NOVA1: variants seen among roughly 807,000 people sequenced by gnomAD.
NOVA1 encodes NOVA alternative splicing regulator 1.
In NOVA1, 7 loss-of-function variants were observed where a neutral mutation model predicts 38.0. The observed-to-expected ratio is 0.18, with a 90% CI of 0.10 to 0.35. The LOEUF (loss-of-function observed/expected upper bound fraction) is 0.35, where lower values mean the gene tolerates loss of function less well. NOVA1 is among the 10% of genes least tolerant of loss of function. NOVA1 has a pLI of 1.00. For synonymous variants in NOVA1, 270 were observed against 232.5 expected, an observed-to-expected ratio of 1.16 and a Z score of -1.47; for missense variants, 460 against 616.0, an observed-to-expected ratio of 0.75 and a Z score of 2.68.
At chr14:26,581,677 A>G (rs921002441) in intron 2 of NOVA1, among the ~76,000 whole-genome samples, 1 of 151,912 alleles carries the variant, frequency 6.6e-6, no homozygotes, top group Non-Finnish European at 1.5e-5. Context: ...TATGAATTGG[A>G]AAAAAATGTA....
At chr14:26,498,331 G>A (rs1047289753) in intron 2 of NOVA1, among the ~76,000 whole-genome samples, 2 of 151,868 alleles carry the variant, frequency 1.3e-5, no homozygotes, top group Non-Finnish European at 2.9e-5. Context: ...CTCCCAAAGT[G>A]CTGGAATTAC....
At position 26,597,728 on chromosome 14, in the gene NOVA1, CAG is replaced by C. The variant is rs1037424723; in HGVS notation, c.-294_-293del. 1.4e-4 allele frequency: 152 copies of C among 1,076,262 alleles called. 2 individuals carry two copies. The South Asian group carries it at 1.7e-3, about 12-fold the overall frequency. The allele number at this position is 1,076,262 out of a possible 1,614,324, so 66.7% of individuals were successfully genotyped here. A position where few individuals can be genotyped will look rare whatever the true frequency, so the allele number is the denominator to read the frequency against. Reference sequence around the variant, plus strand: ...GGTGAAAGAAGAAGAAGAAAGGAGACAGGGGGAGAGAGTGGAGAAGGGAGAGG... The same window carrying C: ...GGTGAAAGAAGAAGAAGAAAGGAGACGGGGAGAGAGTGGAGAAGGGAGAGG... On this transcript the variant is annotated 5_prime_UTR_variant, in exon 1 of 5. Transcript: ENST00000539517.
At chr14:26,490,311 T>G (rs2138348963) in intron 2 of NOVA1, among the ~76,000 whole-genome samples, 1 of 152,314 alleles carries the variant, frequency 6.6e-6, no homozygotes, top group South Asian at 2.1e-4. Flanking sequence ...ACTGCTGCAA[T>G]GAACACTGGT....
At chr14:26,559,258 G>C (rs1328720683) in intron 2 of NOVA1, among the ~76,000 whole-genome samples, 1 of 151,938 alleles carries the variant, frequency 6.6e-6, no homozygotes, top group Non-Finnish European at 1.5e-5. Context: ...AAATATACTG[G>C]TAGCCACATT....
At chr14:26,543,638 A>T (rs1388238130) in intron 2 of NOVA1, among the ~76,000 whole-genome samples, 2 of 152,064 alleles carry the variant, frequency 1.3e-5, no homozygotes, top group Non-Finnish European at 1.5e-5. Flanking sequence ...AAAATGACAG[A>T]ACAGCATAAG....
rs1282818691 is a variant in NOVA1, at chr14:26,479,964, A to G, written c.447+13T>C. 6.2e-7 allele frequency: 1 copy of G among 1,612,780 alleles called. No individual in the cohort carries two copies. Among genetic ancestry groups the G allele is most frequent in the Non-Finnish European group, 8.5e-7 (1 of 1,179,252 alleles). ...GTGGATATTTCTCTTTGATTTCTCA[A>G]CTAAACACTCACTTGTTTGATGCGA... is the stretch of plus-strand genomic sequence containing the variant. On this transcript the variant is annotated intron_variant, in intron 3 of 4. Transcript: ENST00000539517.
At chr14:26,479,760 T>G (rs982847566) in intron 3 of NOVA1, 1 of 453,614 alleles carries the variant, frequency 2.2e-6, no homozygotes, top group Admixed American at 3.9e-5. Context: ...TGCTCCTCAA[T>G]GTAACACTAA....
intron 2 of NOVA1, among the ~76,000 whole-genome samples, chr14:26,529,462 T>C (rs1189866734): frequency 6.6e-6 from 1 of 152,150 alleles, no homozygotes; most frequent in Non-Finnish European, 1.5e-5. Context: ...TTTGAGGAAT[T>C]GTTACCTGAT....
In NOVA1 at chr14:26,498,025, C is replaced by T. The variant is rs1038591075; in HGVS notation, c.281-17882G>A. ...TTTTTAATGTAGAAATTCTGAAATACATGATGTTGAATAAAAATTCTACTA... is the reference window on the plus strand; with the variant it reads ...TTTTTAATGTAGAAATTCTGAAATATATGATGTTGAATAAAAATTCTACTA... On this transcript the variant is annotated intron_variant, in intron 2 of 4. Coordinates refer to ENST00000539517, the MANE Select transcript of NOVA1 (RefSeq NM_002515.3). Among the ~76,000 whole-genome samples the T allele has an allele frequency of 1.3e-5, 2 of 152,036 alleles. 1 individual carries two copies. The highest frequency in any genetic ancestry group is 1.3e-4 in the Admixed American group (2 of 15,252).
intron 2 of NOVA1, among the ~76,000 whole-genome samples, chr14:26,591,676 T>G (rs1013701263): frequency 4.6e-5 from 7 of 151,706 alleles, no homozygotes; most frequent in African/African-American, 1.7e-4. Context: ...ATTATACAAT[T>G]CCAGTTCTAA....
At chr14:26,566,782 C>T (rs958509769) in intron 2 of NOVA1, among the ~76,000 whole-genome samples, 8 of 152,044 alleles carry the variant, frequency 5.3e-5, no homozygotes, top group Non-Finnish European at 4.4e-5. Flanking sequence ...TGTGGAAAAA[C>T]GGAAGTCATC....
chr14:26,553,075 G>T (rs2138650141), intron 2 of NOVA1, among the ~76,000 whole-genome samples: 1 of 152,264 alleles, frequency 6.6e-6, no homozygotes, highest in Admixed American at 6.5e-5. Context: ...TGTTTAAAAG[G>T]GTTACAACAG....
chr14:26,570,851 ATTAAG>A (rs1892431993), intron 2 of NOVA1, among the ~76,000 whole-genome samples: 1 of 152,130 alleles, frequency 6.6e-6, no homozygotes, highest in Non-Finnish European at 1.5e-5. Flanking sequence ...CCTTTACTCT[ATTAAG>A]TTTAAGGTAT....
At chr14:26,450,628 T>G (rs1882586768) in intron 4 of NOVA1, among the ~76,000 whole-genome samples, 1 of 152,136 alleles carries the variant, frequency 6.6e-6, no homozygotes, top group Non-Finnish European at 1.5e-5. Context: ...CCAAGAAGTG[T>G]TTTTATAACA....
At chr14:26,523,565 T>C (rs1244072275) in intron 2 of NOVA1, among the ~76,000 whole-genome samples, 1 of 152,188 alleles carries the variant, frequency 6.6e-6, no homozygotes, top group African/African-American at 2.4e-5. Context: ...AAGACCTCCA[T>C]ATGCGATCTC....
chr14:26,463,307 G>C (rs1299003786), intron 4 of NOVA1, among the ~76,000 whole-genome samples: 1 of 152,058 alleles, frequency 6.6e-6, no homozygotes, highest in African/African-American at 2.4e-5. Flanking sequence ...TTTATTTCTT[G>C]TATCTTTGCC....
chr14:26,575,863 T>A (rs1331819451), intron 2 of NOVA1, among the ~76,000 whole-genome samples: 1 of 151,932 alleles, frequency 6.6e-6, no homozygotes, highest in Non-Finnish European at 1.5e-5. Flanking sequence ...AATAATTGAG[T>A]ACAGAATGAA....
At chr14:26,514,830 CTA>C (rs1888347140) in intron 2 of NOVA1, among the ~76,000 whole-genome samples, 1 of 151,820 alleles carries the variant, frequency 6.6e-6, no homozygotes, top group African/African-American at 2.4e-5. Flanking sequence ...ACACTAAAAA[CTA>C]TATACATTTG....
chr14:26,537,300 G>C (rs2138580972), intron 2 of NOVA1, among the ~76,000 whole-genome samples: 1 of 151,936 alleles, frequency 6.6e-6, no homozygotes, highest in Non-Finnish European at 1.5e-5. Flanking sequence ...TAATTTCTAT[G>C]TTATAAAATA....
Sources: gnomAD v4.1 joint callset for allele counts (sites outside exome capture counted in the v4.1 genomes callset) on GRCh38, gnomAD v4.1.1 for gene constraint, MANE v1.5 for transcripts, NCBI Gene and HGNC (gene_info 2026-07-23, HGNC 2026-07-21) for gene names.